TTLL4: variants seen among roughly 807,000 people sequenced by gnomAD.
TTLL4 encodes tubulin monoglutamylase TTLL4.
Under a neutral mutation model 122.7 loss-of-function variants are expected in TTLL4, and 85 were observed. The observed-to-expected ratio is 0.69, with a 90% confidence interval of 0.58 to 0.83. TTLL4 has a LOEUF of 0.83. TTLL4 is among the 40% of genes least tolerant of loss of function. The probability of loss-of-function intolerance (pLI) is 0.00; values close to 1 mark genes in which losing one functional copy is unlikely to be tolerated. For missense variants in TTLL4, 1,363 were observed against 1,488.6 expected (o/e 0.92, Z 1.39); for synonymous variants, 553 against 563.0 (o/e 0.98, Z 0.25).
At chr2:218,735,687 T>C (rs1277235427) in intron 2 of TTLL4, among the ~76,000 whole-genome samples, 1 of 152,118 alleles carries the variant, frequency 6.6e-6, no homozygotes, top group Non-Finnish European at 1.5e-5. Flanking sequence ...CTTTTTTTTT[T>C]TTTGAGACAG....
Position 218,730,799 on chromosome 2 carries a change from A to G in TTLL4, c.-99+3452A>G, listed in dbSNP as rs1361061735. Among the ~76,000 whole-genome samples the G allele has an allele frequency of 2.6e-5, 4 of 151,882 alleles. No individual in the cohort carries two copies. The East Asian group carries it at 7.8e-4, about 30-fold the overall frequency. On this transcript the variant is annotated intron_variant, in intron 2 of 19. Coordinates refer to ENST00000392102, the MANE Select transcript of TTLL4 (RefSeq NM_014640.5). Reference sequence around the variant, plus strand: ...ATTAACAGATAGTATTTAAAATACTATCTGTTACAGGTGTGCACCACCATG... The same window carrying G: ...ATTAACAGATAGTATTTAAAATACTGTCTGTTACAGGTGTGCACCACCATG...
chr2:218,756,830 T>G (rs892253856), downstream of TTLL4, among the ~76,000 whole-genome samples: 1 of 152,144 alleles, frequency 6.6e-6, no homozygotes, highest in African/African-American at 2.4e-5. Flanking sequence ...GAGTAAGGGC[T>G]TGGGGTGGAA....
intron 17 of TTLL4, 35 bp from the exon 18 acceptor site, chr2:218,753,080 T>G: frequency 6.2e-7 from 1 of 1,613,970 alleles, no homozygotes; most frequent in Non-Finnish European, 8.5e-7. Context: ...TGATTCTACC[T>G]TCTTAAACCC....
downstream of TTLL4, among the ~76,000 whole-genome samples, chr2:218,756,980 G>T (rs776796462): frequency 6.6e-6 from 1 of 152,122 alleles, no homozygotes; most frequent in Non-Finnish European, 1.5e-5. Context: ...GCTGACCTTG[G>T]GTTTAAATCC....
chr2:218,738,644 A>G lies in TTLL4; in HGVS notation c.968A>G (p.Asp323Gly). The G allele has an allele frequency of 1.2e-6, 2 of 1,614,204 alleles. No homozygotes were observed. Among genetic ancestry groups the G allele is most frequent in the Non-Finnish European group, 1.7e-6 (2 of 1,180,030 alleles). ...GAGCCACTTTCCTGTGCTCTGGATGACAGCTCTGATTCCCAGGATCCAACT... is the reference window on the plus strand; with the variant it reads ...GAGCCACTTTCCTGTGCTCTGGATGGCAGCTCTGATTCCCAGGATCCAACT... ...RAEPLSCALDDSSDSQDPTKE... is the reference protein window; with the variant it reads ...RAEPLSCALDGSSDSQDPTKE... Residue 323 changes from aspartate (D) to glycine (G), a missense_variant, in exon 3 of 20, where the codon GAC (aspartate) becomes GGC (glycine). Coordinates refer to ENST00000392102, the MANE Select transcript of TTLL4 (RefSeq NM_014640.5).
intron 1 of TTLL4, among the ~76,000 whole-genome samples, chr2:218,721,710 G>A (rs1377827488): frequency 6.6e-6 from 1 of 152,172 alleles, no homozygotes; most frequent in Non-Finnish European, 1.5e-5. Flanking sequence ...AATATTTAAT[G>A]AGCCCTGATT....
In TTLL4 at chr2:218,711,031, C is replaced by T. The variant is rs1165825183; in HGVS notation, c.-184C>T. 1.3e-5 allele frequency: 2 copies of T among 152,302 alleles called. No individual in the cohort carries two copies. The highest frequency in any genetic ancestry group is 1.9e-4 in the East Asian group (1 of 5,190). 9.4% of individuals were successfully genotyped at this position (152,302 alleles called of 1,614,324 possible). ...GTGCCGAGCCGGGGCGAAGCTGGAT[C>T]CCCTAGGTGAGTGCGGCTGCGGAGC... On this transcript the variant is annotated 5_prime_UTR_variant, in exon 1 of 20. Transcript: ENST00000392102.
chr2:218,732,392 C>T (rs1942405927), intron 2 of TTLL4, among the ~76,000 whole-genome samples: 1 of 152,048 alleles, frequency 6.6e-6, no homozygotes, highest in African/African-American at 2.4e-5. Flanking sequence ...ATCCTAGAGG[C>T]GCACATATAC....
intron 12 of TTLL4, 50 bp from the exon 13 acceptor site, chr2:218,748,786 C>T (rs780314537): frequency 2.0e-6 from 3 of 1,536,852 alleles, no homozygotes; most frequent in South Asian, 1.1e-5. Context: ...TTGTCTTTGT[C>T]ACTCATTCCT....
At chr2:218,729,766 A>AAAC (rs1553608262) in intron 2 of TTLL4, among the ~76,000 whole-genome samples, 9 of 145,442 alleles carry the variant, frequency 6.2e-5, no homozygotes, top group African/African-American at 2.4e-4. Flanking sequence ...AAAAAAACAA[A>AAAC]AAAAAAAAAA....
At chr2:218,743,868 G>A (rs1456918461) in intron 5 of TTLL4, among the ~76,000 whole-genome samples, 1 of 151,974 alleles carries the variant, frequency 6.6e-6, no homozygotes, top group East Asian at 1.9e-4. Context: ...TAGTAGAGAC[G>A]GGGTTTCCCC....
chr2:218,740,461 T>A, intron 4 of TTLL4, 60 bp from the exon 5 acceptor site: 1 of 1,572,142 alleles, frequency 6.4e-7, no homozygotes, highest in Admixed American at 1.7e-5. Context: ...TTGCCTAGGC[T>A]TGGTAAGTTT....
chr2:218,727,428 A>T (rs571679938), intron 2 of TTLL4, 81 bp downstream of exon 2: 13 of 152,226 alleles, frequency 8.5e-5, no homozygotes, highest in African/African-American at 2.9e-4. Flanking sequence ...TCTCTGATAA[A>T]TTTCTGAATT....
chr2:218,738,635 C>T lies in TTLL4; in HGVS notation c.959C>T (p.Ala320Val). 3.7e-6 allele frequency: 6 copies of T among 1,614,232 alleles called. No individual in the cohort carries two copies. The highest frequency in any genetic ancestry group is 1.1e-5 in the South Asian group (1 of 91,084). Residue 320 changes from alanine (A) to valine (V), a missense_variant, in exon 3 of 20, where the codon GCT becomes GTT. Coordinates refer to ENST00000392102, the MANE Select transcript of TTLL4 (RefSeq NM_014640.5). Reference protein sequence around the residue: ...LAMRAEPLSCALDDSSDSQDP... With the variant: ...LAMRAEPLSCVLDDSSDSQDP... ...ATGAGGGCAGAGCCACTTTCCTGTG[C>T]TCTGGATGACAGCTCTGATTCCCAG... is the stretch of plus-strand genomic sequence containing the variant.
At chr2:218,733,744 G>T (rs1221768368) in intron 2 of TTLL4, among the ~76,000 whole-genome samples, 1 of 152,210 alleles carries the variant, frequency 6.6e-6, no homozygotes, top group African/African-American at 2.4e-5. Context: ...ATGTATCCTT[G>T]TCCTCCCTCT....
intron 16 of TTLL4, among the ~76,000 whole-genome samples, chr2:218,752,369 T>G (rs1943044602): frequency 6.6e-6 from 1 of 152,200 alleles, no homozygotes; most frequent in South Asian, 2.1e-4. Flanking sequence ...ACCCTTTGGG[T>G]TTCTTTCTCT....
At chr2:218,758,567 CTGAGGATG>C (rs561767662), downstream of TTLL4, among the ~76,000 whole-genome samples, 12 of 152,234 alleles carry the variant, frequency 7.9e-5, no homozygotes, top group Middle Eastern at 6.8e-3. Flanking sequence ...ATAATTAAAG[CTGAGGATG>C]TATTGATAGT....
intron 1 of TTLL4, among the ~76,000 whole-genome samples, chr2:218,715,881 C>T (rs971979522): frequency 2.0e-5 from 3 of 152,164 alleles, no homozygotes; most frequent in Admixed American, 1.3e-4. Flanking sequence ...CCACCTGCCT[C>T]GGCCTCCCAA....
chr2:218,721,644 A>G (rs971769240), intron 1 of TTLL4, among the ~76,000 whole-genome samples: 2 of 152,124 alleles, frequency 1.3e-5, no homozygotes, highest in African/African-American at 4.8e-5. Flanking sequence ...GAGTGAAAAA[A>G]GTTTTTTCCC....
Sources: gnomAD v4.1 joint callset for allele counts (sites outside exome capture counted in the v4.1 genomes callset) on GRCh38, gnomAD v4.1.1 for gene constraint, MANE v1.5 for transcripts, NCBI Gene and HGNC (gene_info 2026-07-23, HGNC 2026-07-21) for gene names.